The following CDH12 variants were observed in gnomAD, a reference collection of about 807,000 sequenced individuals.
CDH12 encodes cadherin-12.
Under a neutral mutation model 74.1 loss-of-function variants are expected in CDH12, and 41 were observed. The ratio of observed to expected loss-of-function variants is 0.55; its 90% confidence interval spans 0.43 to 0.72. CDH12 has a LOEUF of 0.72. Among genes scored for constraint, CDH12 ranks in the 30% least tolerant of loss-of-function variants. The pLI, the probability that CDH12 is intolerant of heterozygous loss-of-function variation, is 0.00. For missense variants in CDH12, 945 were observed against 977.2 expected, an observed-to-expected ratio of 0.97 and a Z score of 0.44; for synonymous variants, 399 against 355.0, an observed-to-expected ratio of 1.12 and a Z score of -1.39.
rs564748537 is a variant in CDH12 at position 22,262,925 on chromosome 5, C to T, written c.-332-50282G>A. Among the ~76,000 whole-genome samples, 1,237 of 151,158 alleles carry T rather than the reference C, an allele frequency of 8.2e-3. 12 individuals carry two copies. The highest frequency in any genetic ancestry group is 0.012 in the Non-Finnish European group (836 of 67,690). ...AACCTACAAAATGGGAGAAAATTTT[C>T]GCAACCTACTCATCTGACAAAGGGC... On this transcript the variant is annotated intron_variant, in intron 3 of 14. Coordinates refer to ENST00000382254, the MANE Select transcript of CDH12 (RefSeq NM_004061.5).
At chr5:22,585,421 T>A (rs1406476019) in intron 1 of CDH12, among the ~76,000 whole-genome samples, 1 of 152,190 alleles carries the variant, frequency 6.6e-6, no homozygotes, top group Non-Finnish European at 1.5e-5. Flanking sequence ...GCTTCACGAA[T>A]CTATGGATCT....
At chr5:22,195,398 A>G (rs1750562416) in intron 4 of CDH12, among the ~76,000 whole-genome samples, 1 of 152,212 alleles carries the variant, frequency 6.6e-6, no homozygotes, top group African/African-American at 2.4e-5. Flanking sequence ...CTAAAGCTAC[A>G]TAGGTAGTAA....
At chr5:22,204,937 G>A (rs548451390) in intron 4 of CDH12, among the ~76,000 whole-genome samples, 51 of 152,246 alleles carry the variant, frequency 3.3e-4, no homozygotes, top group African/African-American at 1.1e-3. Context: ...GTGACTACTC[G>A]TTCTTTAGTT....
intron 6 of CDH12, among the ~76,000 whole-genome samples, chr5:21,909,155 A>T (rs1389979473): frequency 6.6e-6 from 1 of 152,194 alleles, no homozygotes; most frequent in African/African-American, 2.4e-5. Context: ...AGAAGCCTTT[A>T]TGCCATGATT....
chr5:22,598,522 C>G (rs978090323), intron 1 of CDH12, among the ~76,000 whole-genome samples: 2 of 152,128 alleles, frequency 1.3e-5, no homozygotes, highest in African/African-American at 4.8e-5. Flanking sequence ...ATCTGTGAGT[C>G]AATTAAACCT....
intron 5 of CDH12, among the ~76,000 whole-genome samples, chr5:21,993,591 G>A (rs1455085211): frequency 2.0e-5 from 3 of 152,090 alleles, no homozygotes; most frequent in Non-Finnish European, 4.4e-5. Context: ...ACAGCTGGCA[G>A]TAACAAAGGA....
chr5:21,861,103 C>A (rs1304155286), intron 6 of CDH12, among the ~76,000 whole-genome samples: 1 of 151,876 alleles, frequency 6.6e-6, no homozygotes, highest in African/African-American at 2.4e-5. Flanking sequence ...ACCTTCACTG[C>A]GGATCAAAAA....
At chr5:21,829,475 T>C (rs2149964265) in intron 8 of CDH12, among the ~76,000 whole-genome samples, 1 of 152,374 alleles carries the variant, frequency 6.6e-6, no homozygotes, top group Non-Finnish European at 1.5e-5. Context: ...AAATGATATA[T>C]TCCCTTGTGT....
At chr5:22,464,780 T>A (rs1745657071) in intron 2 of CDH12, among the ~76,000 whole-genome samples, 2 of 152,016 alleles carry the variant, frequency 1.3e-5, no homozygotes, top group Non-Finnish European at 2.9e-5. Context: ...TGGAGGCAGA[T>A]CACTTGAGGT....
chr5:21,846,274 G>T (rs1329365913), intron 7 of CDH12, among the ~76,000 whole-genome samples: 1 of 152,150 alleles, frequency 6.6e-6, no homozygotes, highest in East Asian at 1.9e-4. Context: ...AAAACCTGCT[G>T]CATTTCACTG....
At chr5:22,421,803 G>A (rs747027350) in intron 2 of CDH12, among the ~76,000 whole-genome samples, 29 of 152,164 alleles carry the variant, frequency 1.9e-4, no homozygotes, top group Non-Finnish European at 3.4e-4. Context: ...CAGTCCCACC[G>A]ACAGTGTAAA....
chr5:22,547,474 T>C (rs1738384368), intron 1 of CDH12, among the ~76,000 whole-genome samples: 1 of 152,220 alleles, frequency 6.6e-6, no homozygotes, highest in Non-Finnish European at 1.5e-5. Flanking sequence ...CATTGTCATA[T>C]ACTATTATAT....
intron 5 of CDH12, among the ~76,000 whole-genome samples, chr5:22,009,596 T>C (rs1737168981): frequency 6.6e-6 from 1 of 152,218 alleles, no homozygotes; most frequent in Non-Finnish European, 1.5e-5. Context: ...GAATTTACTT[T>C]ACATTAACAT....
At chr5:22,600,815 A>G (rs1437722056) in intron 1 of CDH12, among the ~76,000 whole-genome samples, 1 of 152,058 alleles carries the variant, frequency 6.6e-6, no homozygotes, top group African/African-American at 2.4e-5. Flanking sequence ...ATATTTGGAA[A>G]ACACACCCCA....
intron 5 of CDH12, among the ~76,000 whole-genome samples, chr5:22,051,634 T>G (rs1740375026): frequency 6.6e-6 from 1 of 152,130 alleles, no homozygotes; most frequent in African/African-American, 2.4e-5. Context: ...CATGTGACAA[T>G]ATATAAATTA....
At chr5:21,956,672 A>G (rs192276404) in intron 6 of CDH12, among the ~76,000 whole-genome samples, 11 of 151,432 alleles carry the variant, frequency 7.3e-5, no homozygotes, top group African/African-American at 2.7e-4. Flanking sequence ...TGTTACTTCT[A>G]TTTTCTTAGT....
intron 2 of CDH12, among the ~76,000 whole-genome samples, chr5:22,471,577 G>A (rs1044362823): frequency 9.2e-5 from 14 of 152,184 alleles, no homozygotes; most frequent in East Asian, 7.7e-4. Flanking sequence ...TCCATGGGGG[G>A]AAAAAACTGT....
chr5:22,396,222 GT>G (rs1310342404), intron 3 of CDH12, among the ~76,000 whole-genome samples: 2 of 152,040 alleles, frequency 1.3e-5, no homozygotes, highest in Non-Finnish European at 2.9e-5. Context: ...TCTGTTCAGT[GT>G]TTCTAGTGTA....
chr5:22,695,871 T>G (rs894462140), intron 1 of CDH12, among the ~76,000 whole-genome samples: 1 of 152,200 alleles, frequency 6.6e-6, no homozygotes, highest in Admixed American at 6.6e-5. Context: ...TTTCTTTCCC[T>G]ATTTTTTCAA....
Sources: gnomAD v4.1 joint callset for allele counts (sites outside exome capture counted in the v4.1 genomes callset) on GRCh38, gnomAD v4.1.1 for gene constraint, MANE v1.5 for transcripts, NCBI Gene and HGNC (gene_info 2026-07-23, HGNC 2026-07-21) for gene names.